The following KIF26B variants were observed in gnomAD, a reference collection of about 807,000 sequenced individuals.
KIF26B encodes the protein kinesin family member 26B, also known as kinesin-like protein KIF26B.
Under a neutral mutation model 151.2 loss-of-function variants are expected in KIF26B, and 63 were observed. The observed-to-expected ratio is 0.42, with a 90% CI of 0.34 to 0.51. KIF26B has a LOEUF of 0.51. KIF26B is among the 20% of genes least tolerant of loss of function. KIF26B has a pLI of 0.07. For synonymous variants in KIF26B, 1,357 were observed against 1,262.1 expected, an observed-to-expected ratio of 1.08 and a Z score of -1.59; for missense variants, 2,813 against 2,913.6, an observed-to-expected ratio of 0.97 and a Z score of 0.79.
intron 3 of KIF26B, among the ~76,000 whole-genome samples, chr1:245,389,944 T>C (rs1172478303): frequency 6.6e-6 from 1 of 152,212 alleles, no homozygotes; most frequent in Non-Finnish European, 1.5e-5. Flanking sequence ...CAAAGTGTGC[T>C]CCACAGACCA....
intron 10 of KIF26B, among the ~76,000 whole-genome samples, chr1:245,649,678 C>T (rs1432770036): frequency 6.6e-6 from 1 of 151,758 alleles, no homozygotes; most frequent in Non-Finnish European, 1.5e-5. Flanking sequence ...TCTTTCCTTC[C>T]CCCACCCCCC....
At position 245,510,923 on chromosome 1, in the gene KIF26B, G is replaced by A. The variant is rs1399315101; in HGVS notation, c.1167-29844G>A. The A allele has an allele frequency of 4.9e-6, 3 of 614,254 alleles. No homozygotes were observed. In the Admixed American group the frequency reaches 8.6e-5, roughly 18 times the overall value. 38.1% of individuals were successfully genotyped at this position (614,254 alleles called of 1,614,324 possible). On this transcript the variant is annotated intron_variant, in intron 4 of 14. Transcript: ENST00000407071. Reference sequence around the variant, plus strand: ...TCACAAGAATGTTTCACCAGGGTCTGCTCTGAGAGTTCTCAGACCCCCATG... The same window carrying A: ...TCACAAGAATGTTTCACCAGGGTCTACTCTGAGAGTTCTCAGACCCCCATG...
chr1:245,541,888 A>T (rs995784418), intron 5 of KIF26B, among the ~76,000 whole-genome samples: 1 of 152,102 alleles, frequency 6.6e-6, no homozygotes, highest in Admixed American at 6.5e-5. Flanking sequence ...GGGCCTCAGA[A>T]GGCCTCTGTC....
chr1:245,622,994 A>AG (rs1417489443), intron 9 of KIF26B, among the ~76,000 whole-genome samples: 1 of 139,912 alleles, frequency 7.1e-6, no homozygotes, highest in African/African-American at 2.6e-5. Context: ...TTTGAATCCT[A>AG]GCTCTACTAC....
intron 2 of KIF26B, among the ~76,000 whole-genome samples, chr1:245,220,554 AC>A (rs946247756): frequency 6.6e-6 from 1 of 152,088 alleles, no homozygotes; most frequent in Non-Finnish European, 1.5e-5. Flanking sequence ...CTAGTCAGGC[AC>A]CCCGAAGGAG....
chr1:245,629,404 G>T (rs1469413228), intron 9 of KIF26B, among the ~76,000 whole-genome samples: 1 of 152,110 alleles, frequency 6.6e-6, no homozygotes, highest in Admixed American at 6.5e-5. Context: ...CAGACATATA[G>T]ACCAATGGAA....
intron 10 of KIF26B, among the ~76,000 whole-genome samples, chr1:245,675,349 C>A (rs1482864497): frequency 6.6e-6 from 1 of 152,186 alleles, no homozygotes; most frequent in African/African-American, 2.4e-5. Flanking sequence ...GACCCCAAAG[C>A]CCCTGCCCTA....
intron 10 of KIF26B, among the ~76,000 whole-genome samples, chr1:245,678,597 C>T (rs572942726): frequency 1.4e-4 from 22 of 152,222 alleles, no homozygotes; most frequent in Non-Finnish European, 2.5e-4. Flanking sequence ...GGCACAGTGG[C>T]TCACGCCTGT....
intron 2 of KIF26B, among the ~76,000 whole-genome samples, chr1:245,326,430 C>T (rs1335950837): frequency 6.6e-6 from 1 of 152,194 alleles, no homozygotes; most frequent in Non-Finnish European, 1.5e-5. Context: ...TTTATTTCTT[C>T]CCACCCAGCT....
chr1:245,428,701 G>T (rs1016930235), intron 4 of KIF26B, among the ~76,000 whole-genome samples: 1 of 152,110 alleles, frequency 6.6e-6, no homozygotes, highest in Non-Finnish European at 1.5e-5. Context: ...TCTGCTGCAG[G>T]GAATGTGGTC....
At chr1:245,371,295 C>G (rs887039373) in intron 3 of KIF26B, 1 of 152,328 alleles carries the variant, frequency 6.6e-6, no homozygotes, top group Admixed American at 6.6e-5. Context: ...TCTCCTGTTG[C>G]GGACATCTCC....
Position 245,495,818 on chromosome 1 carries a change from G to A in KIF26B, c.1167-44949G>A, listed in dbSNP as rs1278913348. On this transcript the variant is annotated intron_variant, in intron 4 of 14. Transcript: ENST00000407071. This position sits in a 1 kb window ranked among gnomAD's most constrained non-coding sequence, Gnocchi z 4.2. ...AAAGCCAAGGAGAAAAATGATTAAA[G>A]CCGTGAGAAAAAAATTCATTATTTT... is the stretch of plus-strand genomic sequence containing the variant. 1.3e-5 allele frequency among the ~76,000 whole-genome samples: 2 copies of A among 152,130 alleles called. No homozygotes were observed. The highest frequency in any genetic ancestry group is 2.9e-5 in the Non-Finnish European group (2 of 68,024).
At chr1:245,362,983 A>C (rs181575374) in intron 2 of KIF26B, among the ~76,000 whole-genome samples, 4 of 152,280 alleles carry the variant, frequency 2.6e-5, no homozygotes, top group Admixed American at 2.0e-4. Flanking sequence ...CCGTGAGACT[A>C]TCTCTGATCC....
intron 12 of KIF26B, among the ~76,000 whole-genome samples, chr1:245,693,771 C>T (rs961127161): frequency 3.9e-5 from 6 of 152,180 alleles, no homozygotes; most frequent in African/African-American, 1.4e-4. Flanking sequence ...TCGTTTGGTT[C>T]TCAGGCACAT....
intron 3 of KIF26B, among the ~76,000 whole-genome samples, chr1:245,416,852 C>T (rs2103034652): frequency 6.6e-6 from 1 of 152,302 alleles, no homozygotes; most frequent in East Asian, 1.9e-4. Flanking sequence ...AGTCTGTCAT[C>T]TCTGAAGAGG....
chr1:245,492,194 A>G (rs1660422242), intron 4 of KIF26B, among the ~76,000 whole-genome samples: 1 of 152,218 alleles, frequency 6.6e-6, no homozygotes, highest in African/African-American at 2.4e-5. Flanking sequence ...ACCCTTGAAG[A>G]CAAGGGCTGA....
Position 245,687,875 on chromosome 1 carries a change from C to T in KIF26B, c.4892C>T (p.Ala1631Val), listed in dbSNP as rs2044554784. The T allele has an allele frequency of 1.3e-6, 2 of 1,592,212 alleles. No individual in the cohort carries two copies. The highest frequency in any genetic ancestry group is 8.5e-7 in the Non-Finnish European group (1 of 1,170,748). ...SGTSSPLNQP[A>V]AFPAGLPDEP... is the part of the protein sequence containing the mutation. ...ACCAGCAGCCCCCTGAACCAACCAG[C>T]CGCCTTCCCGGCGGGCCTCCCAGAC... is the stretch of plus-strand genomic sequence containing the variant. The change falls in exon 12 of 15, where the codon GCC (alanine) becomes GTC (valine). Residue 1631 changes from alanine to valine, a missense_variant. Ala to Val is a moderately conservative substitution (Grantham distance 64). Coordinates refer to ENST00000407071, the MANE Select transcript of KIF26B (RefSeq NM_018012.4). This position sits in a 1 kb window ranked among gnomAD's most constrained non-coding sequence, Gnocchi z 4.9.
At chr1:245,401,853 G>C (rs904462106) in intron 3 of KIF26B, among the ~76,000 whole-genome samples, 12 of 151,266 alleles carry the variant, frequency 7.9e-5, no homozygotes, top group Non-Finnish European at 1.6e-4. Context: ...CTGGGAGACA[G>C]AGCGAGATTC....
intron 14 of KIF26B, among the ~76,000 whole-genome samples, chr1:245,699,592 T>TCTTTGAAAGGTGGATTCAATTG (rs1305415917): frequency 6.7e-4 from 93 of 138,614 alleles, no homozygotes; most frequent in African/African-American, 2.3e-3. Flanking sequence ...AATTTTGCTC[T>TCTTTGAAAGGTGGATTCAATTG]CTTTGAAAGG....
Sources: gnomAD v4.1 joint callset for allele counts (sites outside exome capture counted in the v4.1 genomes callset) on GRCh38, gnomAD v4.1.1 for gene constraint, Gnocchi (gnomAD v3.1) non-coding constraint, MANE v1.5 for transcripts, NCBI Gene and HGNC (gene_info 2026-07-23, HGNC 2026-07-21) for gene names.